GATB: variants seen among roughly 807,000 people sequenced by gnomAD.
The protein encoded by GATB is glutamyl-tRNA amidotransferase subunit B.
In GATB, 39 loss-of-function variants were observed where a neutral mutation model predicts 62.3. That is an observed-to-expected ratio of 0.63 (90% confidence interval 0.48 to 0.82). The LOEUF is 0.82. GATB is among the 40% of genes least tolerant of loss of function. The pLI, the probability that GATB is intolerant of heterozygous loss-of-function variation, is 0.00. For missense variants in GATB, 670 were observed against 684.0 expected (o/e 0.98, Z 0.23); for synonymous variants, 276 against 258.9 (o/e 1.07, Z -0.63).
intron 9 of GATB, among the ~76,000 whole-genome samples, chr4:151,694,207 T>C (rs1738425131): frequency 6.6e-6 from 1 of 152,106 alleles, no homozygotes; most frequent in African/African-American, 2.4e-5. Flanking sequence ...AAACCTGAAA[T>C]AATATATATT....
intron 10 of GATB, chr4:151,687,186 AT>A (rs1338596090): frequency 3.3e-5 from 5 of 152,276 alleles, no homozygotes. Context: ...AACCAACGAG[AT>A]AACTCTCAAC....
intron 9 of GATB, among the ~76,000 whole-genome samples, chr4:151,692,103 G>A (rs1738377379): frequency 6.6e-6 from 1 of 152,204 alleles, no homozygotes; most frequent in Admixed American, 6.5e-5. Flanking sequence ...GCCAGGCACT[G>A]TCTACGCACT....
chr4:151,735,640 G>C (rs1260297465), intron 2 of GATB, among the ~76,000 whole-genome samples: 2 of 150,916 alleles, frequency 1.3e-5, no homozygotes, highest in Non-Finnish European at 2.9e-5. Flanking sequence ...AAAGATACTT[G>C]CACACGCATG....
intron 8 of GATB, among the ~76,000 whole-genome samples, chr4:151,701,895 C>A (rs1420088819): frequency 6.6e-6 from 1 of 152,188 alleles, no homozygotes; most frequent in Admixed American, 6.5e-5. Context: ...GTCATGGGAC[C>A]ATCACAGAGT....
At position 151,701,478 on chromosome 4, in the gene GATB, C is replaced by T. The variant is rs767698940; in HGVS notation, c.1048G>A (p.Asp350Asn). The change falls in exon 9 of 13, where the codon GAC becomes AAC. Residue 350 changes from aspartate to asparagine, a missense_variant. By Grantham distance (23) the Asp-to-Asn change is conservative. Coordinates refer to ENST00000263985, the MANE Select transcript of GATB (RefSeq NM_004564.3). ...GCACCTGCGGGCAGAGATGTGGCGTCGTAGAGCACCAGGGGAGGCAGGTTG... is the reference window on the plus strand; with the variant it reads ...GCACCTGCGGGCAGAGATGTGGCGTTGTAGAGCACCAGGGGAGGCAGGTTG... The part of the protein sequence containing the change: ...EPNLPPLVLY[D>N]ATSLPAGADP... 1.4e-5 allele frequency: 23 copies of T among 1,587,452 alleles called. No homozygotes were observed. Among genetic ancestry groups the T allele is most frequent in the Middle Eastern group, 1.7e-4 (1 of 5,990 alleles).
intron 6 of GATB, among the ~76,000 whole-genome samples, chr4:151,707,116 T>C (rs1010296651): frequency 6.6e-6 from 1 of 152,188 alleles, no homozygotes; most frequent in African/African-American, 2.4e-5. Flanking sequence ...CAGGAAAACA[T>C]AATGACCATT....
At chr4:151,696,902 T>C (rs1263097743) in intron 9 of GATB, among the ~76,000 whole-genome samples, 1 of 152,238 alleles carries the variant, frequency 6.6e-6, no homozygotes, top group Non-Finnish European at 1.5e-5. Flanking sequence ...AGAGAAAAAC[T>C]TGTTATGCTA....
At chr4:151,758,048 CCA>C (rs1560869063) in intron 2 of GATB, among the ~76,000 whole-genome samples, 1 of 152,014 alleles carries the variant, frequency 6.6e-6, no homozygotes, top group Non-Finnish European at 1.5e-5. Flanking sequence ...TATACTGGGC[CCA>C]GTCATTCCAT....
Position 151,707,968 on chromosome 4 carries a change from G to C in GATB, c.877+20C>G. On this transcript the variant is annotated intron_variant, in intron 6 of 12. Coordinates refer to ENST00000263985, the MANE Select transcript of GATB (RefSeq NM_004564.3). ...GAAACAATAGGAAGAAGGACACTAG[G>C]AGCGGCAGCTGGCATTCACCTATGG... is the stretch of plus-strand genomic sequence containing the variant. The C allele has an allele frequency of 6.8e-7, 1 of 1,462,758 alleles. No homozygotes were observed. Among genetic ancestry groups the C allele is most frequent in the Non-Finnish European group, 9.6e-7 (1 of 1,042,234 alleles). 90.6% of individuals were successfully genotyped at this position (1,462,758 alleles called of 1,614,324 possible). A position where few individuals can be genotyped will look rare whatever the true frequency, so the allele number is the denominator to read the frequency against.
intron 2 of GATB, among the ~76,000 whole-genome samples, chr4:151,757,108 G>T (rs1018173929): frequency 6.6e-6 from 1 of 152,088 alleles, no homozygotes; most frequent in African/African-American, 2.4e-5. Flanking sequence ...GCCCAAAAAA[G>T]ATGTCATATA....
chr4:151,731,256 G>C (rs1054562811), intron 2 of GATB, among the ~76,000 whole-genome samples: 1 of 152,164 alleles, frequency 6.6e-6, no homozygotes. Context: ...CTGCCATTGC[G>C]GGCGCGCGCC....
At chr4:151,705,417 A>G (rs1286839412) in intron 6 of GATB, 148 bp from the exon 7 acceptor site, 6 of 608,852 alleles carry the variant, frequency 9.9e-6, no homozygotes, top group South Asian at 2.0e-5. Context: ...CTTACACACT[A>G]TATTTCCTTC....
At chr4:151,726,192 C>T (rs559363570) in intron 2 of GATB, among the ~76,000 whole-genome samples, 1 of 152,196 alleles carries the variant, frequency 6.6e-6, no homozygotes, top group African/African-American at 2.4e-5. Flanking sequence ...GTAAAACAGG[C>T]CTTTATCTTA....
chr4:151,688,699 T>G lies in GATB; in HGVS notation c.1262A>C (p.Lys421Thr). ...VIKETRAEPKKVTSWVLNTFL... is the reference protein window; with the variant it reads ...VIKETRAEPKTVTSWVLNTFL... ...AGTGTTGAGGACCCAACTAGTCACC[T>G]TTTTTGGCTCTGCCCTAGTTTCTTT... The change falls in exon 10 of 13, where the codon AAG (lysine) becomes ACG (threonine). Residue 421 changes from lysine to threonine, a missense_variant. Coordinates refer to ENST00000263985, the MANE Select transcript of GATB (RefSeq NM_004564.3). 1 of 1,612,108 alleles carries G rather than the reference T, an allele frequency of 6.2e-7. No homozygotes were observed. The highest frequency in any genetic ancestry group is 1.1e-5 in the South Asian group (1 of 90,676).
intron 10 of GATB, among the ~76,000 whole-genome samples, chr4:151,683,278 T>C (rs940788246): frequency 2.0e-5 from 3 of 152,190 alleles, no homozygotes; most frequent in Admixed American, 1.3e-4. Context: ...TACCCCTCTA[T>C]AGAAGCTCTT....
intron 2 of GATB, chr4:151,719,824 G>T: frequency 3.5e-6 from 1 of 287,762 alleles, no homozygotes; most frequent in Non-Finnish European, 6.4e-6. Context: ...AACAGGAAGA[G>T]TCGCAGAAAA....
chr4:151,696,622 A>G (rs1738474368), intron 9 of GATB, among the ~76,000 whole-genome samples: 1 of 152,194 alleles, frequency 6.6e-6, no homozygotes, highest in African/African-American at 2.4e-5. Context: ...AAATGGGGAG[A>G]GCAGCAGTCC....
At chr4:151,701,264 G>A (rs1738595398) in intron 9 of GATB, 65 bp downstream of exon 9, 1 of 1,315,610 alleles carries the variant, frequency 7.6e-7, no homozygotes, top group Non-Finnish European at 1.0e-6. Context: ...TGTGTGGCGG[G>A]GCCTCTGAAG....
chr4:151,676,050 CACAGTT>C (rs1023039836), intron 11 of GATB: 2 of 152,086 alleles, frequency 1.3e-5, no homozygotes, highest in Admixed American at 6.5e-5. Context: ...AGGGAGCTGT[CACAGTT>C]ACAGAGAAGG....
Sources: allele counts gnomAD v4.1 joint callset (sites outside exome capture counted in the v4.1 genomes callset), GRCh38; gene constraint gnomAD v4.1.1; transcripts MANE v1.5; gene names NCBI Gene and HGNC (gene_info 2026-07-23, HGNC 2026-07-21).